MGAT4C: variants seen among roughly 807,000 people sequenced by gnomAD.
The protein encoded by MGAT4C is MGAT4 family member C.
MGAT4C carries 19 observed loss-of-function variants against 40.1 expected under a neutral mutation model. The ratio of observed to expected loss-of-function variants is 0.47; its 90% CI spans 0.33 to 0.70. The LOEUF is 0.70. Among genes scored for constraint, MGAT4C ranks in the 30% least tolerant of loss-of-function variants. The pLI is 0.02. For synonymous variants in MGAT4C, 181 were observed against 187.1 expected (o/e 0.97, Z 0.27); for missense variants, 491 against 563.2 (o/e 0.87, Z 1.30).
intron 1 of MGAT4C, among the ~76,000 whole-genome samples, chr12:86,100,212 G>A (rs1874722993): frequency 6.6e-6 from 1 of 151,234 alleles, no homozygotes; most frequent in Non-Finnish European, 1.5e-5. Context: ...GTTTATTACT[G>A]TTACAATGCA....
intron 3 of MGAT4C, among the ~76,000 whole-genome samples, chr12:86,354,143 C>G (rs1347358325): frequency 2.0e-5 from 3 of 151,954 alleles, no homozygotes; most frequent in Non-Finnish European, 2.9e-5. Context: ...ATATCACTGC[C>G]AAGGATTTTT....
intron 2 of MGAT4C, among the ~76,000 whole-genome samples, chr12:86,691,940 A>G (rs1479863784): frequency 6.6e-6 from 1 of 152,176 alleles, no homozygotes; most frequent in Non-Finnish European, 1.5e-5. Flanking sequence ...ACAGATAATT[A>G]TGTGACAATT....
At chr12:85,987,692 C>T (rs1158899430) in intron 3 of MGAT4C, among the ~76,000 whole-genome samples, 1 of 152,154 alleles carries the variant, frequency 6.6e-6, no homozygotes, top group Non-Finnish European at 1.5e-5. Flanking sequence ...ACTTCTTACT[C>T]ATTTTATGGT....
intron 2 of MGAT4C, among the ~76,000 whole-genome samples, chr12:86,535,961 GAAATACTGA>G (rs1473422061): frequency 6.6e-6 from 1 of 152,020 alleles, no homozygotes; most frequent in Non-Finnish European, 1.5e-5. Flanking sequence ...TTTTGTTGAT[GAAATACTGA>G]TACGATTATC....
At chr12:86,732,499 G>T (rs1013895865) in intron 1 of MGAT4C, among the ~76,000 whole-genome samples, 15 of 152,086 alleles carry the variant, frequency 9.9e-5, no homozygotes, top group Admixed American at 5.9e-4. Context: ...CCATCTGGGG[G>T]TGATGGAAGA....
chr12:86,213,491 A>C (rs1301686260), intron 1 of MGAT4C, among the ~76,000 whole-genome samples: 4 of 152,204 alleles, frequency 2.6e-5, no homozygotes, highest in Non-Finnish European at 5.9e-5. Context: ...ATGGTGAATA[A>C]AAATAATGTA....
intron 1 of MGAT4C, among the ~76,000 whole-genome samples, chr12:86,114,364 C>T (rs890141336): frequency 2.3e-4 from 35 of 151,800 alleles, no homozygotes; most frequent in Admixed American, 2.0e-4. Context: ...CTATGTTCTC[C>T]AGAGCATGGC....
intron 4 of MGAT4C, among the ~76,000 whole-genome samples, chr12:86,325,883 G>GA (rs66524535): frequency 1.1e-4 from 16 of 149,326 alleles, no homozygotes; most frequent in African/African-American, 2.5e-4. Context: ...TCTCCAAAAA[G>GA]AAAAAAAAAA....
intron 2 of MGAT4C, among the ~76,000 whole-genome samples, chr12:86,531,951 T>C (rs574761275): frequency 6.6e-6 from 1 of 152,126 alleles, no homozygotes; most frequent in African/African-American, 2.4e-5. Flanking sequence ...GCTAATGGAT[T>C]AGTCAACTCT....
At chr12:86,114,696 G>T (rs1226344666) in intron 1 of MGAT4C, among the ~76,000 whole-genome samples, 2 of 151,894 alleles carry the variant, frequency 1.3e-5, no homozygotes, top group Non-Finnish European at 2.9e-5. Context: ...TCTCTGAGGT[G>T]CCCAAGGCAA....
chr12:86,670,712 G>A (rs980653688), intron 2 of MGAT4C, among the ~76,000 whole-genome samples: 1 of 151,946 alleles, frequency 6.6e-6, no homozygotes, highest in South Asian at 2.1e-4. Context: ...GAAATCCTGA[G>A]AACACCTGAA....
intron 1 of MGAT4C, among the ~76,000 whole-genome samples, chr12:86,194,626 T>TA: frequency 6.6e-6 from 1 of 151,920 alleles, no homozygotes; most frequent in East Asian, 1.9e-4. Flanking sequence ...AACTAATTTT[T>TA]TTTTTTTTTG....
At chr12:86,769,157 C>G (rs961991261) in intron 1 of MGAT4C, among the ~76,000 whole-genome samples, 1 of 152,014 alleles carries the variant, frequency 6.6e-6, no homozygotes, top group East Asian at 1.9e-4. Context: ...ACAAAGAACT[C>G]AAACAAATTT....
At chr12:86,118,890 T>C (rs1273297539) in intron 1 of MGAT4C, among the ~76,000 whole-genome samples, 3 of 152,178 alleles carry the variant, frequency 2.0e-5, no homozygotes, top group Non-Finnish European at 2.9e-5. Context: ...TTCATGCTTT[T>C]CCTAATATTT....
intron 1 of MGAT4C, among the ~76,000 whole-genome samples, chr12:86,735,586 G>T (rs1950972939): frequency 6.6e-6 from 1 of 151,830 alleles, no homozygotes; most frequent in South Asian, 2.1e-4. Flanking sequence ...TGTGAACATG[G>T]AAAAATGTGT....
chr12:86,776,953 T>C (rs1462469924), intron 1 of MGAT4C, among the ~76,000 whole-genome samples: 1 of 152,158 alleles, frequency 6.6e-6, no homozygotes, highest in Non-Finnish European at 1.5e-5. Context: ...AAATCATCTA[T>C]TTGACTAATT....
At position 85,972,649 on chromosome 12, in the gene MGAT4C, G is replaced by A. The variant is rs1883682810; in HGVS notation, c.*6640C>T. 1 of 150,958 alleles carries A rather than the reference G, an allele frequency of 6.6e-6. No homozygotes were observed. Among genetic ancestry groups the A allele is most frequent in the Non-Finnish European group, 1.5e-5 (1 of 67,204 alleles). The allele number at this position is 150,958 out of a possible 1,614,324, so 9.4% of individuals were successfully genotyped here. A position where few individuals can be genotyped will look rare whatever the true frequency, so the allele number is the denominator to read the frequency against. Reference sequence around the variant, plus strand: ...CTTTAGTGACCAAAAATGCACAGTTGTAAGAATGCAAGTGTTACTTGTATT... The same window carrying A: ...CTTTAGTGACCAAAAATGCACAGTTATAAGAATGCAAGTGTTACTTGTATT... On this transcript the variant is annotated 3_prime_UTR_variant, in exon 5 of 5. Coordinates refer to ENST00000611864, the MANE Select transcript of MGAT4C (RefSeq NM_001351288.2).
rs145854909 is a variant in MGAT4C at position 86,468,285 on chromosome 12, AT to A, written c.-228-33021del. ...CTTGCAGGCCAAACCTTTTCAAATC[AT>A]TTTTTTTTCCTTTCCTTTTCACCTT... is the stretch of plus-strand genomic sequence containing the variant. On this transcript the variant is annotated intron_variant, in intron 2 of 7. Coordinates refer to the MGAT4C transcript ENST00000548651. Among the ~76,000 whole-genome samples the A allele has an allele frequency of 3.7e-3, 553 of 150,756 alleles. 2 individuals are homozygous for A. Among genetic ancestry groups the A allele is most frequent in the African/African-American group, 0.013 (527 of 41,114 alleles).
intron 2 of MGAT4C, among the ~76,000 whole-genome samples, chr12:86,443,010 T>C (rs1957260122): frequency 6.6e-6 from 1 of 152,160 alleles, no homozygotes; most frequent in African/African-American, 2.4e-5. Context: ...GTTCTTTAGA[T>C]ATAATTCTAT....
Sources: gnomAD v4.1 joint callset for allele counts (sites outside exome capture counted in the v4.1 genomes callset) on GRCh38, gnomAD v4.1.1 for gene constraint, MANE v1.5 for transcripts, NCBI Gene and HGNC (gene_info 2026-07-23, HGNC 2026-07-21) for gene names.